The following DENND2C variants were observed in gnomAD, a reference collection of about 807,000 sequenced individuals.
DENND2C encodes the protein DENN domain containing 2C, also known as DENN domain-containing protein 2C.
Under a neutral mutation model 112.4 loss-of-function variants are expected in DENND2C, and 72 were observed. The ratio of observed to expected loss-of-function variants is 0.64; its 90% CI spans 0.53 to 0.78. The LOEUF (loss-of-function observed/expected upper bound fraction) is 0.78, where lower values mean the gene tolerates loss of function less well. Ranked by LOEUF, DENND2C falls within the 30% of genes least tolerant of loss-of-function variation. The pLI is 0.00. For synonymous variants in DENND2C, 329 were observed against 381.6 expected, an observed-to-expected ratio of 0.86 and a Z score of 1.61; for missense variants, 992 against 1,113.8, an observed-to-expected ratio of 0.89 and a Z score of 1.56.
intron 3 of DENND2C, among the ~76,000 whole-genome samples, chr1:114,633,033 A>T (rs1268734590): frequency 6.6e-6 from 1 of 152,196 alleles, no homozygotes; most frequent in East Asian, 1.9e-4. Context: ...ACTAAAGTAA[A>T]CATAATGCAC....
At position 114,625,447 on chromosome 1, in the gene DENND2C, C is replaced by A. The variant is rs41274126; in HGVS notation, c.538G>T (p.Val180Phe). The A allele has an allele frequency of 2.1e-3, 3,315 of 1,614,130 alleles. 5 individuals are homozygous for A. The highest frequency in any genetic ancestry group is 2.6e-3 in the Non-Finnish European group (3,125 of 1,180,026). Residue 180 changes from valine (V) to phenylalanine (F), a missense_variant, in exon 4 of 21, where the codon GTT (valine) becomes TTT (phenylalanine). By Grantham distance (50) the Val-to-Phe change is conservative (BLOSUM62 -1). Transcript: ENST00000393274. ...DSSEKELNFR[V>F]LDSSYGITKS... ...GTTATTCCGTATGAACTATCCAGAA[C>A]TCTGAAGTTCAGTTCTTTTTCTGAA...
At chr1:114,653,707 T>C (rs1657232032) in intron 2 of DENND2C, among the ~76,000 whole-genome samples, 1 of 152,188 alleles carries the variant, frequency 6.6e-6, no homozygotes, top group Non-Finnish European at 1.5e-5. Context: ...ACCTTTTAAG[T>C]GGTATTTGTT....
At chr1:114,645,183 T>C (rs1040615956) in intron 3 of DENND2C, among the ~76,000 whole-genome samples, 7 of 152,174 alleles carry the variant, frequency 4.6e-5, no homozygotes, top group African/African-American at 9.6e-5. Context: ...AAGGGTGTTA[T>C]AGATCGAACC....
Position 114,623,014 on chromosome 1 carries a change from G to C in DENND2C, c.1029C>G (p.Pro343=). Residue 343 remains proline (P), a synonymous_variant, in exon 6 of 21, where the codon CCC becomes CCG. Coordinates refer to ENST00000393274, the MANE Select transcript of DENND2C (RefSeq NM_001256404.2). ...TGGGTGCTTTAAAAGCACTTTTAGC[G>C]GGTGGTAGCTTCCATGCTGAAGGGG... is the stretch of plus-strand genomic sequence containing the variant. ...WRSPSAWKLP[P]AKSAFKAPKL... The C allele has an allele frequency of 6.2e-7, 1 of 1,613,058 alleles. No individual in the cohort carries two copies. The highest frequency in any genetic ancestry group is 8.5e-7 in the Non-Finnish European group (1 of 1,179,440).
At chr1:114,623,230 T>TC in intron 5 of DENND2C, 131 bp from the exon 6 acceptor site, 3 of 830,672 alleles carry the variant, frequency 3.6e-6, no homozygotes, top group Non-Finnish European at 5.4e-6. Context: ...GATGTGGGTT[T>TC]CCAGATCAAC....
chr1:114,594,293 G>T (rs986546472), intron 18 of DENND2C, among the ~76,000 whole-genome samples, 180 bp downstream of exon 18: 4 of 152,160 alleles, frequency 2.6e-5, no homozygotes, highest in Non-Finnish European at 4.4e-5. Context: ...AAGTGCAAAG[G>T]TCCTGAAATA....
In DENND2C at chr1:114,622,030, A is replaced by T. The variant is rs1367006805; in HGVS notation, c.1092T>A (p.Thr364=). 2 of 1,548,744 alleles carry T rather than the reference A, an allele frequency of 1.3e-6. No homozygotes were observed. Among genetic ancestry groups the T allele is most frequent in the Non-Finnish European group, 8.7e-7 (1 of 1,146,408 alleles). The change falls in exon 7 of 21, where the codon ACT becomes ACA. Residue 364 remains threonine (T), a synonymous_variant. Coordinates refer to ENST00000393274, the MANE Select transcript of DENND2C (RefSeq NM_001256404.2). The part of the protein sequence containing the change: ...PPKPQFLHRK[T]MEVKNSQAYL... ...AAGCCTGTGAGTTCTTTACTTCCAT[A>T]GTCTTCCGGTGAAGGAACTGAGGTT...
rs570376102 is a variant in DENND2C, at chr1:114,604,868, T to C, written c.1667+54A>G. The stretch of plus-strand genomic sequence containing the variant: ...GGCTGTACCCATTTCTCAAATACTC[T>C]GATTTATTTTTGCAGGTCTAATGAA... On this transcript the variant is annotated intron_variant, in intron 11 of 20. Transcript: ENST00000393274. 34 of 1,299,288 alleles carry C rather than the reference T, an allele frequency of 2.6e-5. No homozygotes were observed. In the South Asian group the frequency reaches 3.4e-4, roughly 13 times the overall value. The allele number at this position is 1,299,288 out of a possible 1,614,324, so 80.5% of individuals were successfully genotyped here.
At chr1:114,642,300 A>G (rs996335584) in intron 3 of DENND2C, among the ~76,000 whole-genome samples, 1 of 152,168 alleles carries the variant, frequency 6.6e-6, no homozygotes, top group Non-Finnish European at 1.5e-5. Flanking sequence ...GATAAGATAA[A>G]GTCTATACTC....
intron 7 of DENND2C, among the ~76,000 whole-genome samples, chr1:114,619,458 T>C (rs948359716): frequency 1.3e-5 from 2 of 152,176 alleles, no homozygotes; most frequent in Non-Finnish European, 2.9e-5. Flanking sequence ...TCCTTGTTTC[T>C]CTAGCCATCC....
chr1:114,598,157 G>A (rs1001057634), intron 16 of DENND2C, among the ~76,000 whole-genome samples: 1 of 152,126 alleles, frequency 6.6e-6, no homozygotes, highest in African/African-American at 2.4e-5. Flanking sequence ...ATGTGTGTAT[G>A]CACTGAGGGT....
At chr1:114,669,362 C>T (rs555905964) in intron 1 of DENND2C, among the ~76,000 whole-genome samples, 105 of 152,262 alleles carry the variant, frequency 6.9e-4, no homozygotes, top group African/African-American at 2.2e-3. Flanking sequence ...ACATCTGGTT[C>T]CGCGGGTTCT....
chr1:114,658,796 T>C (rs1657403362), intron 1 of DENND2C, among the ~76,000 whole-genome samples: 1 of 115,382 alleles, frequency 8.7e-6, no homozygotes, highest in Non-Finnish European at 2.3e-5. Flanking sequence ...TAATACAAAA[T>C]GATAACTTAG....
At chr1:114,626,940 C>G (rs1656360461) in intron 3 of DENND2C, among the ~76,000 whole-genome samples, 1 of 152,140 alleles carries the variant, frequency 6.6e-6, no homozygotes, top group African/African-American at 2.4e-5. Context: ...TGGAAACACA[C>G]CAATAGCCAA....
chr1:114,620,228 A>G lies in DENND2C; in HGVS notation c.1227+1667T>C, dbSNP rs144865565. Among the ~76,000 whole-genome samples the G allele has an allele frequency of 1.2e-3, 181 of 152,324 alleles. 4 individuals are homozygous for G. The East Asian group carries it at 0.03, about 25-fold the overall frequency. On this transcript the variant is annotated intron_variant, in intron 7 of 20. Transcript: ENST00000393274. ...ATAAGGGACATCCTAAAAAGATTCA[A>G]TCCAAGGAGGGTCACAGGTAGAAAT... is the stretch of plus-strand genomic sequence containing the variant.
At chr1:114,590,463 C>G (rs1339042998) in intron 18 of DENND2C, among the ~76,000 whole-genome samples, 1 of 152,036 alleles carries the variant, frequency 6.6e-6, no homozygotes, top group East Asian at 1.9e-4. Context: ...TTTTTGCTAT[C>G]ACATATAATG....
chr1:114,595,504 T>G (rs986134276), intron 17 of DENND2C: 3 of 170,688 alleles, frequency 1.8e-5, no homozygotes, highest in Non-Finnish European at 2.5e-5. Flanking sequence ...AAAAAAGAAA[T>G]AATCAGTGCT....
chr1:114,618,607 CT>C (rs1186383827), intron 7 of DENND2C, 125 bp from the exon 8 acceptor site: 2 of 497,630 alleles, frequency 4.0e-6, no homozygotes, highest in Non-Finnish European at 6.7e-6. Context: ...AAACCTTTAC[CT>C]TTTTGAATTT....
In DENND2C at chr1:114,612,350, A is replaced by AT. The variant is rs1338462374; in HGVS notation, c.1325-1234_1325-1233insA. On this transcript the variant is annotated intron_variant, in intron 8 of 20. Coordinates refer to ENST00000393274, the MANE Select transcript of DENND2C (RefSeq NM_001256404.2). The stretch of plus-strand genomic sequence containing the variant: ...GTGGGACAATTTGGCAGCAGTTATA[A>AT]ATTTTTTTTTTTTTTTTTTGAGACA... Among the ~76,000 whole-genome samples, 5 of 129,078 alleles carry AT rather than the reference A, an allele frequency of 3.9e-5. No homozygotes were observed. The East Asian group carries it at 1.1e-3, about 30-fold the overall frequency. 84.7% of individuals were successfully genotyped at this position (129,078 alleles called of 152,430 possible). A position where few individuals can be genotyped will look rare whatever the true frequency, so the allele number is the denominator to read the frequency against.
Sources: allele counts gnomAD v4.1 joint callset (sites outside exome capture counted in the v4.1 genomes callset), GRCh38; gene constraint gnomAD v4.1.1; transcripts MANE v1.5; gene names NCBI Gene and HGNC (gene_info 2026-07-23, HGNC 2026-07-21).